Variants in OTUD7A observed in about 807,000 individuals in gnomAD.
The protein encoded by OTUD7A is OTU deubiquitinase 7A.
Under a neutral mutation model 65.7 loss-of-function variants are expected in OTUD7A, and 12 were observed. The observed-to-expected ratio is 0.18, with a 90% confidence interval of 0.12 to 0.30. OTUD7A has a LOEUF of 0.30. OTUD7A is among the 10% of genes least tolerant of loss of function. OTUD7A has a pLI of 1.00. For synonymous variants in OTUD7A, 641 were observed against 586.3 expected, an observed-to-expected ratio of 1.09 and a Z score of -1.35; for missense variants, 1,148 against 1,304.8, an observed-to-expected ratio of 0.88 and a Z score of 1.85.
intron 1 of OTUD7A, among the ~76,000 whole-genome samples, chr15:31,836,936 G>C (rs1897069154): frequency 6.6e-6 from 1 of 152,122 alleles, no homozygotes; most frequent in South Asian, 2.1e-4. Flanking sequence ...AAACAGAAAA[G>C]AATGTCCATT....
chr15:31,834,390 T>C (rs1407996065), intron 1 of OTUD7A, among the ~76,000 whole-genome samples: 1 of 152,220 alleles, frequency 6.6e-6, no homozygotes, highest in Non-Finnish European at 1.5e-5. Context: ...TGCTGGTATA[T>C]GGTTTTGTTT....
Position 31,484,669 on chromosome 15 carries a change from G to T in OTUD7A, c.1427C>A (p.Ser476Tyr). The change falls in exon 13 of 13, where the codon TCC becomes TAC. Residue 476 changes from serine (S) to tyrosine (Y), a missense_variant. This residue lies in a region of OTUD7A where 842 missense variants were observed against 769.5 expected (regional missense o/e 1.09). Coordinates refer to ENST00000307050, the MANE Select transcript of OTUD7A (RefSeq NM_001382637.1). This position sits in a 1 kb window ranked among gnomAD's most constrained non-coding sequence, Gnocchi z 4.5. ...PTASAGEDVQ[S>Y]LADSLDSDRD... ...GTCCGAGTCCAGCGAGTCGGCCAGG[G>T]ACTGCACGTCCTCCCCTGCCGAGGC... 1.3e-6 allele frequency: 2 copies of T among 1,582,536 alleles called. No individual in the cohort carries two copies.
intron 1 of OTUD7A, among the ~76,000 whole-genome samples, chr15:31,822,747 G>T (rs1896715006): frequency 6.6e-6 from 1 of 152,196 alleles, no homozygotes; most frequent in Non-Finnish European, 1.5e-5. Flanking sequence ...AATCCAGGCA[G>T]ACCCCTCAGG....
intron 1 of OTUD7A, among the ~76,000 whole-genome samples, chr15:31,860,655 G>A (rs28733356): frequency 1.0e-3 from 75 of 72,862 alleles, no homozygotes; most frequent in Middle Eastern, 7.9e-3. Flanking sequence ...GTATGTATGT[G>A]TGTATATATA....
chr15:31,868,808 A>G (rs1332185497), intron 1 of OTUD7A, among the ~76,000 whole-genome samples: 3 of 152,148 alleles, frequency 2.0e-5, no homozygotes, highest in African/African-American at 7.2e-5. Flanking sequence ...ATTTCCACCC[A>G]TTATCAGCCT....
At chr15:31,679,963 T>C (rs138641226) in intron 1 of OTUD7A, among the ~76,000 whole-genome samples, 2 of 152,338 alleles carry the variant, frequency 1.3e-5, no homozygotes, top group African/African-American at 4.8e-5. Context: ...AAAATTGGCA[T>C]ATTATATGAT....
At chr15:31,788,411 G>A (rs1442127044) in intron 1 of OTUD7A, among the ~76,000 whole-genome samples, 1 of 152,234 alleles carries the variant, frequency 6.6e-6, no homozygotes, top group East Asian at 1.9e-4. Flanking sequence ...CATGTCTTCA[G>A]ATGGATGGTC....
Position 31,475,596 on chromosome 15 carries a change from T to A in OTUD7A, c.*7698A>T, listed in dbSNP as rs1053030562. 3 of 152,212 alleles carry A rather than the reference T, an allele frequency of 2.0e-5. No individual in the cohort carries two copies. The highest frequency in any genetic ancestry group is 4.4e-5 in the Non-Finnish European group (3 of 68,044). The allele number at this position is 152,212 out of a possible 1,614,324, so 9.4% of individuals were successfully genotyped here. On this transcript the variant is annotated 3_prime_UTR_variant, in exon 13 of 13. Transcript: ENST00000307050. ...AAGTTTTCCAAAATGAAAGCAAGAT[T>A]TACTACATATTGCAAAAACTGGTTT...
chr15:31,823,995 T>C (rs763405449), intron 1 of OTUD7A, among the ~76,000 whole-genome samples: 1 of 152,212 alleles, frequency 6.6e-6, no homozygotes, highest in Non-Finnish European at 1.5e-5. Flanking sequence ...TATACATTCA[T>C]TGAACATCTT....
At chr15:31,588,690 C>A (rs535394290) in intron 3 of OTUD7A, among the ~76,000 whole-genome samples, 1 of 152,194 alleles carries the variant, frequency 6.6e-6, no homozygotes, top group Non-Finnish European at 1.5e-5. Flanking sequence ...GGAGTCCAGG[C>A]CTCTGATGGT....
At chr15:31,622,958 C>T (rs12916979) in intron 3 of OTUD7A, among the ~76,000 whole-genome samples, 43,636 of 152,088 alleles carry the variant, frequency 0.29, 7,389 homozygotes, top group African/African-American at 0.47. Flanking sequence ...GATGTCCTTT[C>T]TGTTTGTTAG....
chr15:31,749,753 T>A (rs111565471), intron 1 of OTUD7A, among the ~76,000 whole-genome samples: 77 of 151,428 alleles, frequency 5.1e-4, no homozygotes, highest in Admixed American at 7.9e-4. Context: ...TTTTTTTTTT[T>A]AAAAAAAGGA....
intron 4 of OTUD7A, among the ~76,000 whole-genome samples, chr15:31,568,324 T>G (rs1888941388): frequency 6.6e-6 from 1 of 152,390 alleles, no homozygotes; most frequent in East Asian, 1.9e-4. Flanking sequence ...TAAGGTTTAA[T>G]GATTGTCCTG....
intron 1 of OTUD7A, among the ~76,000 whole-genome samples, chr15:31,843,803 G>C (rs896776988): frequency 3.9e-5 from 6 of 152,120 alleles, no homozygotes; most frequent in African/African-American, 1.4e-4. Context: ...GTTCCCTGTG[G>C]GCAGGTTCCA....
At chr15:31,768,090 T>A (rs1895135916) in intron 1 of OTUD7A, 1 of 1,598,378 alleles carries the variant, frequency 6.3e-7, no homozygotes, top group Non-Finnish European at 8.6e-7. Context: ...CCATATTTTT[T>A]AAAGTGTTGT....
chr15:31,765,010 CA>C (rs1341327146), intron 1 of OTUD7A, among the ~76,000 whole-genome samples: 3 of 151,964 alleles, frequency 2.0e-5, no homozygotes, highest in Admixed American at 2.0e-4. Context: ...ATTGTCTCCG[CA>C]TATCTGGAAT....
chr15:31,580,873 G>A (rs187328638), intron 3 of OTUD7A, among the ~76,000 whole-genome samples: 12 of 152,024 alleles, frequency 7.9e-5, no homozygotes, highest in African/African-American at 2.9e-4. Context: ...TCCACCCCCG[G>A]CCCCTCCCAA....
At chr15:31,504,691 T>TGAGGGAGTCCGTGAC (rs72228823) in intron 8 of OTUD7A, among the ~76,000 whole-genome samples, 3 of 151,594 alleles carry the variant, frequency 2.0e-5, no homozygotes, top group African/African-American at 7.3e-5. Flanking sequence ...CAGAATTAGC[T>TGAGGGAGTCCGTGAC]GACGGCAGCA....
intron 1 of OTUD7A, among the ~76,000 whole-genome samples, chr15:31,839,755 A>G (rs1225443300): frequency 6.6e-6 from 1 of 152,192 alleles, no homozygotes; most frequent in East Asian, 1.9e-4. Context: ...ATGGTCAGGT[A>G]TAAATAAGGG....
Sources: gnomAD v4.1 joint callset for allele counts (sites outside exome capture counted in the v4.1 genomes callset) on GRCh38, gnomAD v4.1.1 for gene constraint, gnomAD v4.1.1 regional missense constraint, Gnocchi (gnomAD v3.1) non-coding constraint, MANE v1.5 for transcripts, NCBI Gene and HGNC (gene_info 2026-07-23, HGNC 2026-07-21) for gene names.